CNTN3: variants seen among roughly 807,000 people sequenced by gnomAD.
The protein encoded by CNTN3 is contactin-3.
A neutral mutation model predicts 119.1 loss-of-function variants in CNTN3; 60 were observed. The observed-to-expected ratio is 0.50, with a 90% CI of 0.41 to 0.62. The LOEUF is 0.62. Ranked by LOEUF, CNTN3 falls within the 20% of genes least tolerant of loss-of-function variation. The probability of loss-of-function intolerance (pLI) is 0.00; values close to 1 mark genes in which losing one functional copy is unlikely to be tolerated. For missense variants in CNTN3, 1,101 were observed against 1,242.4 expected (o/e 0.89, Z 1.71); for synonymous variants, 450 against 438.7 (o/e 1.03, Z -0.32).
chr3:74,543,289 G>A (rs998510674), intron 1 of CNTN3, among the ~76,000 whole-genome samples: 15 of 152,240 alleles, frequency 9.9e-5, no homozygotes, highest in African/African-American at 2.2e-4. Flanking sequence ...TAAAACTAGC[G>A]TATCATTTAT....
intron 2 of CNTN3, among the ~76,000 whole-genome samples, chr3:74,514,306 A>G (rs776957190): frequency 6.6e-6 from 1 of 152,180 alleles, no homozygotes; most frequent in Non-Finnish European, 1.5e-5. Context: ...TTATGTATTT[A>G]TCTACTGATA....
intron 13 of CNTN3, among the ~76,000 whole-genome samples, chr3:74,326,936 C>G (rs894706851): frequency 6.6e-6 from 1 of 151,836 alleles, no homozygotes; most frequent in Non-Finnish European, 1.5e-5. Context: ...GAAGAAGTAT[C>G]TTTGTGTTCC....
chr3:74,355,859 G>A (rs977634057), intron 11 of CNTN3, among the ~76,000 whole-genome samples: 10 of 151,792 alleles, frequency 6.6e-5, no homozygotes, highest in Non-Finnish European at 8.8e-5. Flanking sequence ...CCTTAATTCG[G>A]TATACACTGT....
chr3:74,323,841 T>C (rs1225291589), intron 13 of CNTN3, among the ~76,000 whole-genome samples: 2 of 152,170 alleles, frequency 1.3e-5, no homozygotes, highest in African/African-American at 4.8e-5. Flanking sequence ...TGCAGCTCTT[T>C]CCACCAGTCA....
chr3:74,361,447 A>T (rs1038746002), intron 11 of CNTN3, among the ~76,000 whole-genome samples: 4 of 152,226 alleles, frequency 2.6e-5, no homozygotes, highest in African/African-American at 9.6e-5. Context: ...ACAGCCAGGA[A>T]ATCAGGGATG....
chr3:74,393,373 G>A (rs893622793), intron 5 of CNTN3, among the ~76,000 whole-genome samples: 2 of 152,176 alleles, frequency 1.3e-5, no homozygotes, highest in Admixed American at 1.3e-4. Flanking sequence ...AAATGTGTAT[G>A]TGCTGCTATC....
At chr3:74,477,102 G>A (rs116165829) in intron 4 of CNTN3, among the ~76,000 whole-genome samples, 43 of 152,208 alleles carry the variant, frequency 2.8e-4, no homozygotes, top group Middle Eastern at 3.4e-3. Context: ...GTATAAAAAT[G>A]ATAATCGCAT....
At chr3:74,369,396 G>A (rs1163867264) in intron 7 of CNTN3, 23 bp from the exon 8 acceptor site, 1 of 1,536,942 alleles carries the variant, frequency 6.5e-7, no homozygotes, top group Non-Finnish European at 8.8e-7. Context: ...TCGTCAAGTT[G>A]TCTGCTATTG....
At chr3:74,470,818 T>C (rs368579211) in intron 4 of CNTN3, among the ~76,000 whole-genome samples, 1 of 152,184 alleles carries the variant, frequency 6.6e-6, no homozygotes, top group East Asian at 1.9e-4. Context: ...ACTGCACTAC[T>C]ATCCATCCAA....
chr3:74,402,461 A>G (rs959522137), intron 5 of CNTN3, among the ~76,000 whole-genome samples: 11 of 152,144 alleles, frequency 7.2e-5, no homozygotes, highest in Admixed American at 5.9e-4. Flanking sequence ...ATCACAAACT[A>G]TATCTGATTC....
At chr3:74,293,846 C>A (rs1186862251) in intron 19 of CNTN3, among the ~76,000 whole-genome samples, 1 of 152,202 alleles carries the variant, frequency 6.6e-6, no homozygotes, top group Non-Finnish European at 1.5e-5. Flanking sequence ...CAGTGTATCT[C>A]ATCTCTGCAG....
chr3:74,455,436 C>T (rs907220719), intron 4 of CNTN3, among the ~76,000 whole-genome samples: 1 of 151,894 alleles, frequency 6.6e-6, no homozygotes, highest in Non-Finnish European at 1.5e-5. Flanking sequence ...AACTTCTTTG[C>T]CTTTGGTTTG....
At chr3:74,360,454 T>G (rs1704050734) in intron 11 of CNTN3, among the ~76,000 whole-genome samples, 1 of 152,200 alleles carries the variant, frequency 6.6e-6, no homozygotes, top group Admixed American at 6.5e-5. Flanking sequence ...CCACTAAGTT[T>G]CTGTTTTTTC....
At chr3:74,609,281 A>G (rs571441288) in intron 1 of CNTN3, among the ~76,000 whole-genome samples, 99 of 152,364 alleles carry the variant, frequency 6.5e-4, no homozygotes, top group African/African-American at 2.2e-3. Flanking sequence ...GGTCGGCCTC[A>G]TGGATTAATA....
chr3:74,354,265 C>G (rs1312521612), intron 11 of CNTN3, among the ~76,000 whole-genome samples: 3 of 152,012 alleles, frequency 2.0e-5, no homozygotes. Context: ...ATGAGCCATT[C>G]TTTTACTTTC....
chr3:74,285,627 T>G (rs934912538), intron 19 of CNTN3, 136 bp from the exon 20 acceptor site: 2 of 824,254 alleles, frequency 2.4e-6, no homozygotes, highest in Non-Finnish European at 3.8e-6. Flanking sequence ...TACTATGTGC[T>G]AGGTGCTGCA....
chr3:74,375,515 T>C (rs916753132), intron 5 of CNTN3, among the ~76,000 whole-genome samples: 1 of 152,048 alleles, frequency 6.6e-6, no homozygotes, highest in African/African-American at 2.4e-5. Context: ...TTAAAGATCA[T>C]TTGAGGGGAA....
chr3:74,594,866 C>T (rs1257040055), intron 1 of CNTN3, among the ~76,000 whole-genome samples: 7 of 151,950 alleles, frequency 4.6e-5, no homozygotes, highest in Admixed American at 1.3e-4. Flanking sequence ...CCTGAGGAAT[C>T]GCCACACTGA....
intron 19 of CNTN3, among the ~76,000 whole-genome samples, chr3:74,290,954 G>C (rs1702219007): frequency 6.6e-6 from 1 of 151,574 alleles, no homozygotes; most frequent in Non-Finnish European, 1.5e-5. Context: ...CAATGTGCAG[G>C]TTTGTTACAT....
Sources: allele counts gnomAD v4.1 joint callset (sites outside exome capture counted in the v4.1 genomes callset), GRCh38; gene constraint gnomAD v4.1.1; transcripts MANE v1.5; gene names NCBI Gene and HGNC (gene_info 2026-07-23, HGNC 2026-07-21).